The following RBFOX1 variants were observed in gnomAD, a reference collection of about 807,000 sequenced individuals.
The protein encoded by RBFOX1 is RNA binding protein fox-1 homolog 1.
Under a neutral mutation model 57.7 loss-of-function variants are expected in RBFOX1, and 8 were observed. The observed-to-expected ratio is 0.14, with a 90% CI of 0.08 to 0.25. The LOEUF (loss-of-function observed/expected upper bound fraction) is 0.25, where lower values mean the gene tolerates loss of function less well. Among genes scored for constraint, RBFOX1 ranks in the 10% least tolerant of loss-of-function variants. The pLI is 1.00. For synonymous variants in RBFOX1, 326 were observed against 222.4 expected (o/e 1.47, Z -4.15); for missense variants, 611 against 548.5 (o/e 1.11, Z -1.14).
intron 1 of RBFOX1, among the ~76,000 whole-genome samples, chr16:6,173,862 G>T (rs2096981965): frequency 6.6e-6 from 1 of 151,750 alleles, no homozygotes; most frequent in Admixed American, 6.6e-5. Flanking sequence ...TGCCTGCCTT[G>T]GCCTCCCAAA....
rs368888825 is a variant in RBFOX1 at position 5,344,412 on chromosome 16, C to G, written c.219+104307C>G. 4.6e-5 allele frequency among the ~76,000 whole-genome samples: 7 copies of G among 152,304 alleles called. No homozygotes were observed. In the South Asian group the frequency reaches 8.3e-4, roughly 18 times the overall value. ...TCAAGCTAAAAAAGTAATCCCTTCT[C>G]AGGGTAAAATCATGGCACACTCAAT... On this transcript the variant is annotated intron_variant, in intron 1 of 2. Coordinates refer to the RBFOX1 transcript ENST00000585867.
At chr16:6,817,805 T>C (rs1462072416) in intron 3 of RBFOX1, among the ~76,000 whole-genome samples, 1 of 152,172 alleles carries the variant, frequency 6.6e-6, no homozygotes, top group Admixed American at 6.5e-5. Flanking sequence ...AAAAACCTTA[T>C]TAACTATAAC....
intron 3 of RBFOX1, among the ~76,000 whole-genome samples, chr16:5,847,767 CATT>C (rs1014111083): frequency 1.2e-4 from 18 of 152,074 alleles, no homozygotes; most frequent in African/African-American, 3.6e-4. Context: ...GTGCAACAAA[CATT>C]ATAGCCACCT....
intron 1 of RBFOX1, among the ~76,000 whole-genome samples, chr16:6,278,205 G>A (rs1461164952): frequency 3.3e-5 from 5 of 151,968 alleles, no homozygotes; most frequent in Admixed American, 6.5e-5. Flanking sequence ...TGCCCCTTTC[G>A]GCTCAGTCCC....
chr16:5,641,130 A>C (rs1349522274), intron 3 of RBFOX1, among the ~76,000 whole-genome samples: 2 of 150,766 alleles, frequency 1.3e-5, no homozygotes, highest in Non-Finnish European at 3.0e-5. Flanking sequence ...GCATACACAC[A>C]TGCACACCAT....
intron 3 of RBFOX1, among the ~76,000 whole-genome samples, chr16:5,684,316 T>A (rs564576404): frequency 6.6e-6 from 1 of 152,272 alleles, no homozygotes; most frequent in East Asian, 1.9e-4. Context: ...TCCTATGAGT[T>A]CTGTCCCTGT....
chr16:6,172,925 A>T (rs1052776275), intron 1 of RBFOX1, among the ~76,000 whole-genome samples: 39 of 152,208 alleles, frequency 2.6e-4, no homozygotes, highest in African/African-American at 8.0e-4. Context: ...TGATGTGGAG[A>T]ATCTTAGCCT....
chr16:7,573,402 G>A lies in RBFOX1; in HGVS notation c.271-6375G>A, dbSNP rs186809175. ...AGGGGGTGTCCCTGGCCACTTTCCCGTCCACCTCTAACATCCTTACTTTAC... is the reference window on the plus strand; with the variant it reads ...AGGGGGTGTCCCTGGCCACTTTCCCATCCACCTCTAACATCCTTACTTTAC... On this transcript the variant is annotated intron_variant, in intron 5 of 15. Transcript: ENST00000550418. 9.9e-5 allele frequency among the ~76,000 whole-genome samples: 15 copies of A among 152,034 alleles called. No individual in the cohort carries two copies. The East Asian group carries it at 2.5e-3, about 25-fold the overall frequency.
chr16:7,189,970 C>G (rs896492839), intron 4 of RBFOX1, among the ~76,000 whole-genome samples: 1 of 152,030 alleles, frequency 6.6e-6, no homozygotes, highest in Admixed American at 6.5e-5. Context: ...ATGTAGAGTT[C>G]TTCATTGAGC....
chr16:6,194,716 C>G (rs905385459), intron 1 of RBFOX1, among the ~76,000 whole-genome samples: 3 of 152,150 alleles, frequency 2.0e-5, no homozygotes, highest in African/African-American at 7.2e-5. Context: ...CATGGGCACT[C>G]CAAATACTCT....
rs2080298700 is a variant in RBFOX1 at position 7,532,311 on chromosome 16, G to C, written c.270+13922G>C. 2.6e-5 allele frequency among the ~76,000 whole-genome samples: 4 copies of C among 152,184 alleles called. No individual in the cohort carries two copies. The South Asian group carries it at 8.3e-4, about 32-fold the overall frequency. ...ATTCATCTGGTGGCTCCACAAAAGG[G>C]GAAGAGACAACAGTGGGTGGCGCCA... is the stretch of plus-strand genomic sequence containing the variant. On this transcript the variant is annotated intron_variant, in intron 5 of 15. Transcript: ENST00000550418.
At chr16:5,366,117 G>A (rs187907625) in intron 1 of RBFOX1, 29 of 458,248 alleles carry the variant, frequency 6.3e-5, no homozygotes, top group African/African-American at 5.4e-4. Flanking sequence ...TTCAGGGCGA[G>A]TGCATGCTAA....
rs143261515 is a variant in RBFOX1, at chr16:7,236,281, G to C, written c.27+184183G>C. On this transcript the variant is annotated intron_variant, in intron 4 of 15. Coordinates refer to ENST00000550418, the MANE Select transcript of RBFOX1 (RefSeq NM_018723.4). ...TATGAGGTGCGAACTAGGGTTAATA[G>C]GATGTATTTAACACCATATTGTTTC... 1.9e-3 allele frequency among the ~76,000 whole-genome samples: 291 copies of C among 152,292 alleles called. 1 individual carries two copies. The highest frequency in any genetic ancestry group is 1.6e-3 in the Non-Finnish European group (111 of 68,018).
chr16:7,390,589 G>A (rs1431753097), intron 4 of RBFOX1, among the ~76,000 whole-genome samples: 1 of 152,160 alleles, frequency 6.6e-6, no homozygotes, highest in Non-Finnish European at 1.5e-5. Context: ...CAAGTATAAG[G>A]TGCTATATTT....
At chr16:5,884,550 G>A (rs976749814) in intron 4 of RBFOX1, among the ~76,000 whole-genome samples, 2 of 151,168 alleles carry the variant, frequency 1.3e-5, no homozygotes, top group Admixed American at 6.6e-5. Context: ...ATGTGACTGA[G>A]TTCTGCCCAA....
intron 3 of RBFOX1, among the ~76,000 whole-genome samples, chr16:6,729,431 C>T (rs755914401): frequency 8.5e-5 from 13 of 152,154 alleles, no homozygotes; most frequent in African/African-American, 2.7e-4. Context: ...GGCGTTCTGA[C>T]GGCTAAAAGG....
At chr16:7,458,080 C>G (rs1043956422) in intron 4 of RBFOX1, among the ~76,000 whole-genome samples, 1 of 152,242 alleles carries the variant, frequency 6.6e-6, no homozygotes. Flanking sequence ...ATTCACCTTC[C>G]AAATCAGAAC....
intron 2 of RBFOX1, among the ~76,000 whole-genome samples, chr16:6,495,904 T>A (rs904279641): frequency 6.6e-6 from 1 of 152,260 alleles, no homozygotes; most frequent in Non-Finnish European, 1.5e-5. Context: ...ATTGTTTGGC[T>A]GCTTTACATT....
At chr16:6,780,679 G>A (rs1392523523) in intron 3 of RBFOX1, among the ~76,000 whole-genome samples, 2 of 147,528 alleles carry the variant, frequency 1.4e-5, no homozygotes, top group African/African-American at 5.0e-5. Flanking sequence ...TGTTTTTTCA[G>A]AGAGCTATTT....
Sources: gnomAD v4.1 joint callset for allele counts (sites outside exome capture counted in the v4.1 genomes callset) on GRCh38, gnomAD v4.1.1 for gene constraint, MANE v1.5 for transcripts, NCBI Gene and HGNC (gene_info 2026-07-23, HGNC 2026-07-21) for gene names.